Variants in SETD2 observed in about 807,000 individuals in gnomAD.
The protein encoded by SETD2 is histone-lysine N-methyltransferase SETD2.
A neutral mutation model predicts 242.1 loss-of-function variants in SETD2; 31 were observed. That is an observed-to-expected ratio of 0.13 (90% confidence interval 0.10 to 0.17). The LOEUF (loss-of-function observed/expected upper bound fraction) is 0.17, where lower values mean the gene tolerates loss of function less well. SETD2 is among the 10% of genes least tolerant of loss of function. The pLI is 1.00. For missense variants in SETD2, 2,481 were observed against 3,046.3 expected, an observed-to-expected ratio of 0.81 and a Z score of 4.37; for synonymous variants, 1,006 against 1,066.5, an observed-to-expected ratio of 0.94 and a Z score of 1.11.
chr3:47,063,139 T>C (rs1231042200), intron 13 of SETD2, among the ~76,000 whole-genome samples: 1 of 152,206 alleles, frequency 6.6e-6, no homozygotes, highest in Non-Finnish European at 1.5e-5. Flanking sequence ...TCATATCTTA[T>C]GAATACTATA....
In SETD2 at chr3:47,057,004, C is replaced by T. The variant is rs774896853; in HGVS notation, c.6780G>A (p.Pro2260=). 1.1e-5 allele frequency: 18 copies of T among 1,614,258 alleles called. No homozygotes were observed. Among genetic ancestry groups the T allele is most frequent in the Middle Eastern group, 1.6e-4 (1 of 6,062 alleles). ...QDSSVAVLPV[P]APGPVQGQNY... ...TCTGTCCCTGAACTGGGCCGGGGGC[C>T]GGCACTGGCAAGACAGCAACGCTGG... The change falls in exon 15 of 21, where the codon CCG becomes CCA. Residue 2260 remains proline (P), a synonymous_variant. Transcript: ENST00000409792.
Position 47,062,226 on chromosome 3 carries a change from C to T in SETD2, c.6230G>A (p.Arg2077Gln), listed in dbSNP as rs981018402. ...KQTQNKEKRK[R>Q]RSSLSPPSSA... The stretch of plus-strand genomic sequence containing the variant: ...AGAGGGTGGTGAGAGGGAGCTTCTT[C>T]GTTTCCTTTTCTCTTTATTTTGAGT... The change falls in exon 14 of 21, where the codon CGA (arginine) becomes CAA (glutamine). Residue 2077 changes from arginine to glutamine, a missense_variant. Transcript: ENST00000409792. The T allele has an allele frequency of 4.3e-6, 7 of 1,613,958 alleles. No homozygotes were observed. Among genetic ancestry groups the T allele is most frequent in the Admixed American group, 1.7e-5 (1 of 59,990 alleles).
At position 47,124,152 on chromosome 3, in the gene SETD2, C is replaced by T. The variant is rs1375690681; in HGVS notation, c.484G>A (p.Ala162Thr). ...TSRPLLATTT[A>T]VASPPTHAAP... The stretch of plus-strand genomic sequence containing the variant: ...GCATGAGTAGGTGGAGATGCTACTG[C>T]TGTGGTAGTAGCCAGCAGTGGCCTG... Residue 162 changes from alanine to threonine, a missense_variant, in exon 3 of 21, where the codon GCA (alanine) becomes ACA (threonine). By Grantham distance (58) the Ala-to-Thr change is moderately conservative (BLOSUM62 0). Around this residue, in one of 17 missense-constraint regions of SETD2, gnomAD observed 334 missense variants for 374.5 expected, o/e 0.89. Transcript: ENST00000409792. 1.3e-6 allele frequency: 2 copies of T among 1,551,924 alleles called. No homozygotes were observed. Among genetic ancestry groups the T allele is most frequent in the Non-Finnish European group, 8.7e-7 (1 of 1,147,040 alleles).
At chr3:47,132,411 C>T (rs1287593227) in intron 1 of SETD2, among the ~76,000 whole-genome samples, 1 of 152,082 alleles carries the variant, frequency 6.6e-6, no homozygotes, top group African/African-American at 2.4e-5. Flanking sequence ...CCCTTGAGCC[C>T]AGGAGGTGGA....
intron 9 of SETD2, among the ~76,000 whole-genome samples, chr3:47,089,312 T>C (rs1041074275): frequency 6.6e-6 from 1 of 152,062 alleles, no homozygotes; most frequent in East Asian, 1.9e-4. Flanking sequence ...CCAGGTGTGG[T>C]AGCATGTGTC....
chr3:47,017,012 TG>T lies in SETD2; in HGVS notation c.*80del. On this transcript the variant is annotated 3_prime_UTR_variant, in exon 21 of 21. Transcript: ENST00000409792. The surrounding 1 kb of genome is among the most constrained non-coding windows in gnomAD (Gnocchi z 4.8). ...ATCAGTAGCACAGTGCTGACAGGGG[TG>T]GGACAGAAAGGCCCACAGGATTTCC... 1 of 1,363,090 alleles carries T rather than the reference TG, an allele frequency of 7.3e-7. No individual in the cohort carries two copies. Among genetic ancestry groups the T allele is most frequent in the Non-Finnish European group, 1.0e-6 (1 of 963,476 alleles). 84.4% of individuals were successfully genotyped at this position (1,363,090 alleles called of 1,614,324 possible). A position where few individuals can be genotyped will look rare whatever the true frequency, so the allele number is the denominator to read the frequency against.
At chr3:47,054,187 G>T (rs1303376199) in intron 15 of SETD2, among the ~76,000 whole-genome samples, 1 of 152,124 alleles carries the variant, frequency 6.6e-6, no homozygotes, top group Non-Finnish European at 1.5e-5. Context: ...AGTAGATTAG[G>T]GAATCAGTAA....
At chr3:47,019,977 G>C (rs2038147426) in intron 18 of SETD2, 137 bp from the exon 19 acceptor site, 1 of 706,940 alleles carries the variant, frequency 1.4e-6, no homozygotes, top group Admixed American at 2.4e-5. Context: ...TAGAGGCCCT[G>C]ACTCAGGTAC....
chr3:47,137,254 G>A (rs559825631), intron 1 of SETD2, among the ~76,000 whole-genome samples: 2 of 151,942 alleles, frequency 1.3e-5, no homozygotes, highest in East Asian at 1.9e-4. Flanking sequence ...TTGCAGTAGC[G>A]TGATCTCGAC....
At chr3:47,110,506 G>A (rs1040721569) in intron 5 of SETD2, among the ~76,000 whole-genome samples, 2 of 152,130 alleles carry the variant, frequency 1.3e-5, no homozygotes, top group Non-Finnish European at 2.9e-5. Flanking sequence ...CTACAACTGG[G>A]AGATTTCCTA....
intron 1 of SETD2, among the ~76,000 whole-genome samples, chr3:47,145,320 C>A (rs541440924): frequency 2.6e-5 from 4 of 152,244 alleles, no homozygotes; most frequent in Non-Finnish European, 4.4e-5. Context: ...ATACACATGG[C>A]CTGAAGGTAA....
intron 1 of SETD2, among the ~76,000 whole-genome samples, chr3:47,155,248 G>C: frequency 6.6e-6 from 1 of 152,002 alleles, no homozygotes; most frequent in Admixed American, 6.6e-5. Context: ...ATGTTAAAAT[G>C]TCTGAATTTG....
intron 5 of SETD2, among the ~76,000 whole-genome samples, chr3:47,113,184 A>T (rs2042725554): frequency 6.6e-6 from 1 of 151,698 alleles, no homozygotes; most frequent in Admixed American, 6.6e-5. Context: ...GCTCACTGTA[A>T]CCTTGAACTC....
chr3:47,124,709 AAC>A (rs1339098929), intron 2 of SETD2, among the ~76,000 whole-genome samples, 161 bp from the exon 3 acceptor site: 1 of 152,210 alleles, frequency 6.6e-6, no homozygotes, highest in African/African-American at 2.4e-5. Context: ...AAAATTTTCA[AAC>A]ACAGTCAAAA....
At chr3:47,048,911 C>G (rs570041673) in intron 15 of SETD2, among the ~76,000 whole-genome samples, 4 of 151,860 alleles carry the variant, frequency 2.6e-5, no homozygotes, top group Non-Finnish European at 5.9e-5. Context: ...TGTGATCTGC[C>G]CACCTCAGCC....
In SETD2 at chr3:47,091,338, A is replaced by G. The variant is rs182014693; in HGVS notation, c.5143-3091T>C. ...AATATTCACAGGGCTAAAAAATGAG[A>G]TATTTTCAGCCAGACACAGTGGCTC... On this transcript the variant is annotated intron_variant, in intron 9 of 20. Transcript: ENST00000409792. Among the ~76,000 whole-genome samples, 25 of 152,300 alleles carry G rather than the reference A, an allele frequency of 1.6e-4. No homozygotes were observed. In the East Asian group the frequency reaches 4.4e-3, roughly 27 times the overall value.
chr3:47,062,374 T>TG (rs112607886), intron 13 of SETD2, 28 bp from the exon 14 acceptor site: 1 of 1,032,798 alleles, frequency 9.7e-7, no homozygotes, highest in Non-Finnish European at 1.2e-6. Flanking sequence ...TTTGTTTGTT[T>TG]TTTTTTTTTT....
chr3:47,095,866 T>C (rs1321561739), intron 9 of SETD2, among the ~76,000 whole-genome samples: 1 of 152,076 alleles, frequency 6.6e-6, no homozygotes, highest in Admixed American at 6.5e-5. Flanking sequence ...TGAATACAGA[T>C]CAAATTCAAA....
rs2038050218 is a variant in SETD2, at chr3:47,017,845, T to C, written c.7432-106A>G. On this transcript the variant is annotated intron_variant, in intron 19 of 20. Transcript: ENST00000409792. The surrounding 1 kb of genome is among the most constrained non-coding windows in gnomAD (Gnocchi z 4.8). The stretch of plus-strand genomic sequence containing the variant: ...GTAGTGAGTAAAGCCAGCCAATCCT[T>C]CTCCTTTTCCTCCCTCAGGTTAACT... 1 of 787,334 alleles carries C rather than the reference T, an allele frequency of 1.3e-6. No individual in the cohort carries two copies. 48.8% of individuals were successfully genotyped at this position (787,334 alleles called of 1,614,324 possible).
Sources: allele counts gnomAD v4.1 joint callset (sites outside exome capture counted in the v4.1 genomes callset), GRCh38; gene constraint gnomAD v4.1.1; regional missense constraint gnomAD v4.1.1; non-coding constraint Gnocchi (gnomAD v3.1); transcripts MANE v1.5; gene names NCBI Gene and HGNC (gene_info 2026-07-23, HGNC 2026-07-21).